GABRG1: variants seen among roughly 807,000 people sequenced by gnomAD.
GABRG1 encodes gamma-aminobutyric acid type A receptor subunit gamma1.
A neutral mutation model predicts 49.8 loss-of-function variants in GABRG1; 49 were observed. That is an observed-to-expected ratio of 0.98 (90% CI 0.78 to 1.25). GABRG1 has a LOEUF of 1.25. Ranked by LOEUF, GABRG1 falls within the 50% of genes most tolerant of loss-of-function variation. GABRG1 has a pLI of 0.00. For synonymous variants in GABRG1, 232 were observed against 185.1 expected, an observed-to-expected ratio of 1.25 and a Z score of -2.06; for missense variants, 552 against 552.3, an observed-to-expected ratio of 1.00 and a Z score of 0.01.
At chr4:46,063,895 C>G (rs572257011) in intron 5 of GABRG1, among the ~76,000 whole-genome samples, 2 of 152,238 alleles carry the variant, frequency 1.3e-5, no homozygotes, top group South Asian at 4.1e-4. Context: ...GGTTTTTATA[C>G]TCTAATTATT....
intron 8 of GABRG1, among the ~76,000 whole-genome samples, chr4:46,045,580 C>A (rs1717963681): frequency 6.8e-6 from 1 of 146,524 alleles, no homozygotes; most frequent in African/African-American, 2.6e-5. Flanking sequence ...TGTAAAAAAA[C>A]AAGATGATGG....
At chr4:46,090,831 C>T (rs1168516279) in intron 2 of GABRG1, among the ~76,000 whole-genome samples, 2 of 151,810 alleles carry the variant, frequency 1.3e-5, no homozygotes, top group Non-Finnish European at 2.9e-5. Context: ...GCAATAGTGA[C>T]TGAACAGAAC....
At chr4:46,091,077 A>C (rs1325142555) in intron 2 of GABRG1, among the ~76,000 whole-genome samples, 1 of 151,800 alleles carries the variant, frequency 6.6e-6, no homozygotes, top group African/African-American at 2.4e-5. Context: ...GATGTTGACA[A>C]ACCAAATATA....
chr4:46,040,983 A>G lies in GABRG1; in HGVS notation c.*5T>C, dbSNP rs1330857366. ...TTCTTTTGATTTTTGCTTATGAAGT[A>G]GATTTTATAAGTAAAGATAGCCAAC... On this transcript the variant is annotated 3_prime_UTR_variant, in exon 9 of 9. Coordinates refer to ENST00000295452, the MANE Select transcript of GABRG1 (RefSeq NM_173536.4). The G allele has an allele frequency of 1.2e-6, 2 of 1,603,654 alleles. No homozygotes were observed. The highest frequency in any genetic ancestry group is 1.7e-6 in the Non-Finnish European group (2 of 1,174,532).
chr4:46,103,641 T>C (rs1351622962), intron 1 of GABRG1, among the ~76,000 whole-genome samples: 1 of 151,452 alleles, frequency 6.6e-6, no homozygotes, highest in East Asian at 2.0e-4. Flanking sequence ...TTTTTGCCTG[T>C]TATAATTAAA....
chr4:46,048,177 G>A (rs1299683291), intron 8 of GABRG1, among the ~76,000 whole-genome samples: 1 of 151,992 alleles, frequency 6.6e-6, no homozygotes, highest in Non-Finnish European at 1.5e-5. Context: ...TGCATAAAAT[G>A]TCTTGATTCC....
chr4:46,049,828 ACC>A (rs1718145256), intron 8 of GABRG1, among the ~76,000 whole-genome samples: 1 of 151,884 alleles, frequency 6.6e-6, no homozygotes, highest in Non-Finnish European at 1.5e-5. Context: ...CTGATTAGCT[ACC>A]ATCCTAGAGT....
intron 7 of GABRG1, among the ~76,000 whole-genome samples, chr4:46,053,345 G>A (rs1443085470): frequency 6.6e-6 from 1 of 151,788 alleles, no homozygotes; most frequent in Non-Finnish European, 1.5e-5. Context: ...TATCAATCAG[G>A]TAAAGTAGTT....
rs181819921 is a variant in GABRG1 at position 46,044,521 on chromosome 4, C to T, written c.1132-3267G>A. Among the ~76,000 whole-genome samples, 22 of 151,876 alleles carry T rather than the reference C, an allele frequency of 1.4e-4. 1 individual carries two copies. The highest frequency in any genetic ancestry group is 1.1e-3 in the Admixed American group (17 of 15,222). ...AATTCCAGGAGGTGAATCTTGGTGA[C>T]GAGGAGCTGCCAATCAGCATTTAGA... On this transcript the variant is annotated intron_variant, in intron 8 of 8. Coordinates refer to ENST00000295452, the MANE Select transcript of GABRG1 (RefSeq NM_173536.4).
chr4:46,106,838 G>A (rs1720564979), intron 1 of GABRG1, among the ~76,000 whole-genome samples: 1 of 150,934 alleles, frequency 6.6e-6, no homozygotes, highest in African/African-American at 2.4e-5. Flanking sequence ...AGAATCATGA[G>A]TGAGGAAGAA....
intron 1 of GABRG1, among the ~76,000 whole-genome samples, chr4:46,111,276 C>T (rs1003582894): frequency 6.6e-6 from 1 of 150,852 alleles, no homozygotes; most frequent in Non-Finnish European, 1.5e-5. Context: ...CCTAGGAAAA[C>T]ATGTAACCAA....
chr4:46,081,523 G>A (rs942126428), intron 3 of GABRG1, among the ~76,000 whole-genome samples: 1 of 151,752 alleles, frequency 6.6e-6, no homozygotes, highest in Non-Finnish European at 1.5e-5. Flanking sequence ...TCACACCAAA[G>A]GAGTAAGCAG....
At chr4:46,062,058 G>T in intron 5 of GABRG1, among the ~76,000 whole-genome samples, 1 of 117,732 alleles carries the variant, frequency 8.5e-6, no homozygotes, top group Admixed American at 1.2e-4. Flanking sequence ...CCCAGAGTGT[G>T]ATGTTCCCCT....
chr4:46,114,249 A>T (rs1720816313), intron 1 of GABRG1, among the ~76,000 whole-genome samples: 2 of 151,094 alleles, frequency 1.3e-5, no homozygotes, highest in Admixed American at 1.3e-4. Flanking sequence ...TGAAGCAAGC[A>T]CTAAACCTCC....
At chr4:46,080,584 G>A (rs988614819) in intron 3 of GABRG1, among the ~76,000 whole-genome samples, 1 of 151,552 alleles carries the variant, frequency 6.6e-6, no homozygotes, top group African/African-American at 2.4e-5. Context: ...TTGCTCCACT[G>A]GGGAAACTAA....
chr4:46,094,166 T>C (rs2109429565), intron 2 of GABRG1, among the ~76,000 whole-genome samples: 1 of 150,366 alleles, frequency 6.7e-6, no homozygotes, highest in African/African-American at 2.5e-5. Context: ...TCTCCCAATA[T>C]TTCCTTCAAA....
chr4:46,053,549 C>A (rs1238304725), intron 7 of GABRG1, among the ~76,000 whole-genome samples: 3 of 151,922 alleles, frequency 2.0e-5, no homozygotes, highest in African/African-American at 7.2e-5. Flanking sequence ...ATGATATATA[C>A]AAGTCTCCCT....
intron 2 of GABRG1, among the ~76,000 whole-genome samples, chr4:46,088,815 T>TTGTGTGTG (rs3069486): frequency 0.041 from 5,398 of 131,644 alleles, 193 homozygotes; most frequent in Admixed American, 0.077. Flanking sequence ...TTGTGTGTGT[T>TTGTGTGTG]TGTGTGTGTG....
chr4:46,087,959 T>G (rs1302598024), intron 2 of GABRG1, among the ~76,000 whole-genome samples: 4 of 152,064 alleles, frequency 2.6e-5, no homozygotes, highest in African/African-American at 9.7e-5. Context: ...TGTTTAAATT[T>G]AAATAGAAAT....
Sources: gnomAD v4.1 joint callset for allele counts (sites outside exome capture counted in the v4.1 genomes callset) on GRCh38, gnomAD v4.1.1 for gene constraint, MANE v1.5 for transcripts, NCBI Gene and HGNC (gene_info 2026-07-23, HGNC 2026-07-21) for gene names.